Variants in CCDC88B observed in about 807,000 individuals in gnomAD.
CCDC88B encodes the protein coiled-coil domain-containing protein 88B.
CCDC88B carries 138 observed loss-of-function variants against 183.7 expected under a neutral mutation model. The observed-to-expected ratio is 0.75, with a 90% CI of 0.65 to 0.87. The LOEUF is 0.87. Ranked by LOEUF, CCDC88B falls within the 40% of genes least tolerant of loss-of-function variation. CCDC88B has a pLI of 0.00. For synonymous variants in CCDC88B, 835 were observed against 867.5 expected, an observed-to-expected ratio of 0.96 and a Z score of 0.66; for missense variants, 1,822 against 1,965.6, an observed-to-expected ratio of 0.93 and a Z score of 1.38.
At chr11:64,346,197 C>T (rs764480312) in intron 14 of CCDC88B, among the ~76,000 whole-genome samples, 42 of 152,122 alleles carry the variant, frequency 2.8e-4, no homozygotes, top group African/African-American at 7.7e-4. Flanking sequence ...GCTATCAGGA[C>T]GCAGTAGCCA....
chr11:64,340,508 A>G, intron 1 of CCDC88B, 99 bp from the exon 2 acceptor site: 2 of 1,509,832 alleles, frequency 1.3e-6, no homozygotes, highest in Non-Finnish European at 1.8e-6. Context: ...AGAGGCACTC[A>G]GAGGACGGGT....
At chr11:64,349,508 G>A in intron 15 of CCDC88B, 43 bp from the exon 16 acceptor site, 1 of 1,577,598 alleles carries the variant, frequency 6.3e-7, no homozygotes, top group Non-Finnish European at 8.6e-7. Flanking sequence ...GTGTGGTGGG[G>A]CGAGGGTGGG....
At chr11:64,352,926 C>T in intron 20 of CCDC88B, 39 bp downstream of exon 20, 2 of 1,528,628 alleles carry the variant, frequency 1.3e-6, no homozygotes, top group South Asian at 1.3e-5. Context: ...CTCTCAGTGG[C>T]CCCATCCTGA....
At position 64,342,096 on chromosome 11, in the gene CCDC88B, C is replaced by T. The variant is rs1399759598; in HGVS notation, c.778C>T (p.Leu260=). The change falls in exon 8 of 27, where the codon CTG becomes TTG. Residue 260 remains leucine (L), a synonymous_variant. Transcript: ENST00000356786. ...EGPSHHLALQ[L]ANAKAQLRRL... ...CCCCTCGCACCATCTGGCCCTGCAG[C>T]TGGCCAACGCCAAGGCTCAGCTGCG... 1.2e-6 allele frequency: 2 copies of T among 1,610,842 alleles called. No homozygotes were observed. Among genetic ancestry groups the T allele is most frequent in the African/African-American group, 2.7e-5 (2 of 74,892 alleles).
At position 64,349,582 on chromosome 11, in the gene CCDC88B, G is replaced by A; in HGVS notation, c.2776G>A (p.Glu926Lys). The change falls in exon 16 of 27, where the codon GAG becomes AAG. Residue 926 changes from glutamate (E) to lysine (K), a missense_variant. Transcript: ENST00000356786. ...GGGCTTGGAGCAGCGGCTGGAAGCT[G>A]AGCTGCAGGCGGCGGCGACCAGCAA... is the stretch of plus-strand genomic sequence containing the variant. ...YQGLEQRLEA[E>K]LQAAATSKEE... is the part of the protein sequence containing the mutation. 6.2e-7 allele frequency: 1 copy of A among 1,602,302 alleles called. No homozygotes were observed. The highest frequency in any genetic ancestry group is 8.5e-7 in the Non-Finnish European group (1 of 1,175,974).
In CCDC88B at chr11:64,342,616, A is replaced by T; in HGVS notation, c.998A>T (p.Gln333Leu). 1.3e-6 allele frequency: 2 copies of T among 1,530,668 alleles called. No homozygotes were observed. Among genetic ancestry groups the T allele is most frequent in the Non-Finnish European group, 1.7e-6 (2 of 1,144,968 alleles). 94.8% of individuals were successfully genotyped at this position (1,530,668 alleles called of 1,614,324 possible). ...RERAGRLPRL[Q>L]EELRRCRERL... ...CGGGCCGGCCGCCTGCCCCGCCTGC[A>T]GGAGGAGCTGAGGCGCTGCCGCGAG... The change falls in exon 10 of 27, where the codon CAG (glutamine) becomes CTG (leucine). Residue 333 changes from glutamine to leucine, a missense_variant. Physicochemically the swap from Gln to Leu is moderately radical, Grantham distance 113. Transcript: ENST00000356786.
Position 64,352,262 on chromosome 11 carries a change from C to T in CCDC88B, c.3232C>T (p.His1078Tyr), listed in dbSNP as rs1280828651. ...GCAGCAGCAGGCCCTGCTTCGGGAC[C>T]ACAAGGCCCTGGCACAGCTGCAGCG... ...RGQQQALLRD[H>Y]KALAQLQRRQ... The change falls in exon 19 of 27, where the codon CAC (histidine) becomes TAC (tyrosine). Residue 1078 changes from histidine to tyrosine, a missense_variant. Coordinates refer to ENST00000356786, the MANE Select transcript of CCDC88B (RefSeq NM_032251.6). 1.9e-6 allele frequency: 3 copies of T among 1,601,414 alleles called. No individual in the cohort carries two copies. The highest frequency in any genetic ancestry group is 1.1e-5 in the South Asian group (1 of 89,952).
chr11:64,348,710 A>T (rs2036212053), intron 14 of CCDC88B: 1 of 429,970 alleles, frequency 2.3e-6, no homozygotes. Context: ...TCATCCTGCC[A>T]GGCCCCCCAT....
chr11:64,354,770 G>A lies in CCDC88B; in HGVS notation c.4100-424G>A, dbSNP rs377574995. Among the ~76,000 whole-genome samples the A allele has an allele frequency of 4.4e-5, 4 of 91,472 alleles. No homozygotes were observed. The East Asian group carries it at 1.6e-3, about 35-fold the overall frequency. The allele number at this position is 91,472 out of a possible 152,430, so 60.0% of individuals were successfully genotyped here. On this transcript the variant is annotated intron_variant, in intron 24 of 26. Transcript: ENST00000356786. ...CCTCCCTGCATGAGACTCAGTCCCC[G>A]TTCCCTTCCTCTGACCCCCTCCCTG... is the stretch of plus-strand genomic sequence containing the variant.
intron 7 of CCDC88B, 87 bp downstream of exon 7, chr11:64,341,829 G>A: frequency 6.6e-7 from 1 of 1,522,052 alleles, no homozygotes; most frequent in Non-Finnish European, 8.8e-7. Flanking sequence ...TGGAAGTTTG[G>A]GGCCCAGGCA....
chr11:64,348,854 G>GC (rs560433866), intron 14 of CCDC88B: 8 of 602,580 alleles, frequency 1.3e-5, no homozygotes, highest in Admixed American at 2.7e-5. Context: ...GGCGCCCCCT[G>GC]CCCCCCCAGC....
At position 64,352,336 on chromosome 11, in the gene CCDC88B, C is replaced by A; in HGVS notation, c.3306C>A (p.Leu1102=). Reference sequence around the variant, plus strand: ...GACTGCTGGTGCGGCACCGAGACCTCAAGGCCAACATGCGGGCACTGGAGC... The same window carrying A: ...GACTGCTGGTGCGGCACCGAGACCTAAAGGCCAACATGCGGGCACTGGAGC... ...LEGLLVRHRD[L]KANMRALELA... is the part of the protein sequence containing the mutation. The change falls in exon 19 of 27, where the codon CTC becomes CTA. Residue 1102 remains leucine (L), a synonymous_variant. Transcript: ENST00000356786. 1 of 1,547,364 alleles carries A rather than the reference C, an allele frequency of 6.5e-7. No individual in the cohort carries two copies.
chr11:64,356,778 T>A, intron 26 of CCDC88B: 1 of 489,716 alleles, frequency 2.0e-6, no homozygotes, highest in South Asian at 4.0e-5. Flanking sequence ...GGAGTTTTAG[T>A]AACTGGGGTG....
intron 26 of CCDC88B, 92 bp from the exon 27 acceptor site, chr11:64,356,947 G>A (rs2036565291): frequency 2.3e-6 from 3 of 1,299,028 alleles, no homozygotes; most frequent in Non-Finnish European, 3.2e-6. Context: ...GGCAGGTCGG[G>A]GGTGGGCAGA....
At chr11:64,355,728 C>T in intron 26 of CCDC88B, 100 bp downstream of exon 26, 1 of 1,200,422 alleles carries the variant, frequency 8.3e-7, no homozygotes, top group East Asian at 2.6e-5. Flanking sequence ...TGATCCTTTA[C>T]CAAGTGCCAG....
At chr11:64,340,855 G>C in intron 2 of CCDC88B, 52 bp from the exon 3 acceptor site, 1 of 1,536,402 alleles carries the variant, frequency 6.5e-7, no homozygotes, top group Non-Finnish European at 8.8e-7. Context: ...AGGGACGGTG[G>C]GCGAGGCCTG....
chr11:64,353,531 C>T (rs1199737274), intron 22 of CCDC88B, 35 bp downstream of exon 22: 1 of 1,602,662 alleles, frequency 6.2e-7, no homozygotes, highest in South Asian at 1.1e-5. Context: ...GTGGGGCCTG[C>T]ATCCCCTTTG....
chr11:64,346,741 AT>A, intron 14 of CCDC88B, among the ~76,000 whole-genome samples: 1 of 150,776 alleles, frequency 6.6e-6, no homozygotes, highest in Non-Finnish European at 1.5e-5. Flanking sequence ...CGCCCGGCCA[AT>A]TTTTGTATTT....
chr11:64,356,973 T>TGGGCCTCCTGGGACTCTGGG lies in CCDC88B; in HGVS notation c.4376-65_4376-46dup. ...GGTGGGCAGAAGGTGCTCGAGCCTGTGGGCCTCCTGGGACTCTGGGAGTCC... is the reference window on the plus strand; with the variant it reads ...GGTGGGCAGAAGGTGCTCGAGCCTGTGGGCCTCCTGGGACTCTGGGGGGCCTCCTGGGACTCTGGGAGTCC... On this transcript the variant is annotated intron_variant, in intron 26 of 26. Transcript: ENST00000356786. 2.7e-6 allele frequency: 4 copies of TGGGCCTCCTGGGACTCTGGG among 1,492,606 alleles called. No individual in the cohort carries two copies. The South Asian group carries it at 5.3e-5, about 20-fold the overall frequency. 92.5% of individuals were successfully genotyped at this position (1,492,606 alleles called of 1,614,324 possible). A position where few individuals can be genotyped will look rare whatever the true frequency, so the allele number is the denominator to read the frequency against.
Sources: gnomAD v4.1 joint callset for allele counts (sites outside exome capture counted in the v4.1 genomes callset) on GRCh38, gnomAD v4.1.1 for gene constraint, MANE v1.5 for transcripts, NCBI Gene and HGNC (gene_info 2026-07-23, HGNC 2026-07-21) for gene names.